The following NAALADL2 variants were observed in gnomAD, a reference collection of about 807,000 sequenced individuals.
The protein encoded by NAALADL2 is inactive N-acetylated-alpha-linked acidic dipeptidase-like protein 2.
Under a neutral mutation model 87.2 loss-of-function variants are expected in NAALADL2, and 76 were observed. That is an observed-to-expected ratio of 0.87 (90% confidence interval 0.72 to 1.05). The LOEUF is 1.05. Ranked by LOEUF, NAALADL2 falls within the 50% of genes least tolerant of loss-of-function variation. The pLI, the probability that NAALADL2 is intolerant of heterozygous loss-of-function variation, is 0.00. For missense variants in NAALADL2, 1,089 were observed against 945.8 expected (o/e 1.15, Z -1.99); for synonymous variants, 354 against 331.0 (o/e 1.07, Z -0.75).
At chr3:175,412,218 C>G (rs34508207) in intron 5 of NAALADL2, among the ~76,000 whole-genome samples, 3 of 152,128 alleles carry the variant, frequency 2.0e-5, no homozygotes, top group African/African-American at 7.2e-5. Flanking sequence ...TCTTTTCCCC[C>G]CTTTTTATGC....
At chr3:174,960,976 G>A (rs970070929) in intron 1 of NAALADL2, among the ~76,000 whole-genome samples, 4 of 150,862 alleles carry the variant, frequency 2.7e-5, no homozygotes, top group African/African-American at 9.7e-5. Flanking sequence ...GGTTGAAACT[G>A]CATTCAGCTA....
At chr3:175,255,698 C>T (rs530738121) in intron 3 of NAALADL2, among the ~76,000 whole-genome samples, 50 of 152,220 alleles carry the variant, frequency 3.3e-4, no homozygotes, top group African/African-American at 1.1e-3. Context: ...TTATTGAAAT[C>T]TCCAGAAAGG....
chr3:175,316,572 C>T (rs1280297750), intron 4 of NAALADL2, among the ~76,000 whole-genome samples: 1 of 152,172 alleles, frequency 6.6e-6, no homozygotes, highest in African/African-American at 2.4e-5. Context: ...CGTTCTATAT[C>T]TTAAGCTATC....
chr3:175,746,319 T>TG (rs1426697969), intron 12 of NAALADL2, among the ~76,000 whole-genome samples: 1 of 151,532 alleles, frequency 6.6e-6, no homozygotes, highest in Admixed American at 6.6e-5. Context: ...TGGTTTGTTT[T>TG]TTTTTTTTTT....
chr3:174,444,721 A>G (rs1714914447), intron 1 of NAALADL2, among the ~76,000 whole-genome samples: 1 of 152,198 alleles, frequency 6.6e-6, no homozygotes, highest in Admixed American at 6.5e-5. Flanking sequence ...TTAAGTACCA[A>G]GTGTGATCAA....
rs956501147 is a variant in NAALADL2 at position 175,451,914 on chromosome 3, C to T, written c.1234+4542C>T. 5.3e-5 allele frequency among the ~76,000 whole-genome samples: 8 copies of T among 152,166 alleles called. No individual in the cohort carries two copies. The East Asian group carries it at 1.5e-3, about 29-fold the overall frequency. On this transcript the variant is annotated intron_variant, in intron 6 of 13. Transcript: ENST00000454872. ...TTATAATTTTTACGTATTTCTAATG[C>T]ATTTTGAAAATCTATCTTCCTAATC...
chr3:174,886,083 T>G (rs1730111810), intron 1 of NAALADL2, among the ~76,000 whole-genome samples: 1 of 151,508 alleles, frequency 6.6e-6, no homozygotes, highest in Admixed American at 6.6e-5. Context: ...CCAGCTAATT[T>G]TTTGTATTTT....
chr3:174,509,277 T>G (rs1404260860), intron 1 of NAALADL2, among the ~76,000 whole-genome samples: 1 of 152,156 alleles, frequency 6.6e-6, no homozygotes, highest in Non-Finnish European at 1.5e-5. Flanking sequence ...TCAGAGATGC[T>G]TTATTAGTCT....
At chr3:174,889,141 A>C (rs1177587183) in intron 1 of NAALADL2, among the ~76,000 whole-genome samples, 1 of 152,160 alleles carries the variant, frequency 6.6e-6, no homozygotes, top group African/African-American at 2.4e-5. Context: ...CCCTTTGCCT[A>C]AGCCCCTCAG....
At chr3:175,275,723 G>A (rs1252700922) in intron 4 of NAALADL2, among the ~76,000 whole-genome samples, 1 of 151,902 alleles carries the variant, frequency 6.6e-6, no homozygotes, top group Non-Finnish European at 1.5e-5. Context: ...AATATAAAAT[G>A]TTGACATTTT....
intron 11 of NAALADL2, chr3:175,718,237 A>G (rs1741668264): frequency 1.5e-6 from 1 of 664,696 alleles, no homozygotes; most frequent in Non-Finnish European, 2.4e-6. Context: ...TAGTTGCTGT[A>G]ACACTGTCCT....
chr3:174,486,296 A>G (rs776326549), intron 1 of NAALADL2, among the ~76,000 whole-genome samples: 12 of 152,094 alleles, frequency 7.9e-5, no homozygotes, highest in Non-Finnish European at 1.8e-4. Flanking sequence ...AGCGTATTTC[A>G]AAATCATTCC....
Position 174,967,166 on chromosome 3 carries a change from T to A in NAALADL2, c.43+107716T>A, listed in dbSNP as rs1287986373. The stretch of plus-strand genomic sequence containing the variant: ...CTGAGTAGCAGGTAATAGTGGTCCC[T>A]TTTTTAAAGCTCTCTGATGATTCTG... On this transcript the variant is annotated intron_variant, in intron 1 of 13. Transcript: ENST00000454872. Among the ~76,000 whole-genome samples the A allele has an allele frequency of 2.6e-5, 4 of 152,130 alleles. No homozygotes were observed. The East Asian group carries it at 7.7e-4, about 29-fold the overall frequency.
chr3:175,740,983 T>C (rs184893521), intron 12 of NAALADL2, among the ~76,000 whole-genome samples: 1 of 152,280 alleles, frequency 6.6e-6, no homozygotes, highest in Admixed American at 6.5e-5. Flanking sequence ...TTTATTTTGA[T>C]GACAGTGATC....
At chr3:174,623,346 AT>A (rs1210756135) in intron 2 of NAALADL2, among the ~76,000 whole-genome samples, 4 of 152,072 alleles carry the variant, frequency 2.6e-5, no homozygotes, top group African/African-American at 9.7e-5. Flanking sequence ...GCACCTTTAC[AT>A]TTGTTTACAT....
chr3:174,489,612 A>G (rs942843287), intron 1 of NAALADL2, among the ~76,000 whole-genome samples: 5 of 152,236 alleles, frequency 3.3e-5, no homozygotes, highest in African/African-American at 1.2e-4. Flanking sequence ...TGTATCTAAA[A>G]TATATTAAGG....
intron 11 of NAALADL2, among the ~76,000 whole-genome samples, chr3:175,668,515 A>G (rs1176712363): frequency 1.3e-5 from 2 of 152,136 alleles, no homozygotes; most frequent in African/African-American, 4.8e-5. Flanking sequence ...GTAGGTGACC[A>G]CAGAATGAGT....
intron 9 of NAALADL2, among the ~76,000 whole-genome samples, chr3:175,534,492 T>C (rs1245202973): frequency 2.6e-5 from 4 of 152,150 alleles, no homozygotes; most frequent in Non-Finnish European, 1.5e-5. Flanking sequence ...GCTTTAAAAG[T>C]AGGTTTTGTC....
At chr3:174,740,181 A>G (rs1249751861) in intron 3 of NAALADL2, among the ~76,000 whole-genome samples, 2 of 151,906 alleles carry the variant, frequency 1.3e-5, no homozygotes, top group African/African-American at 4.8e-5. Context: ...TTTTAAAAAA[A>G]TTGTCTTTTG....
Sources: allele counts gnomAD v4.1 joint callset (sites outside exome capture counted in the v4.1 genomes callset), GRCh38; gene constraint gnomAD v4.1.1; transcripts MANE v1.5; gene names NCBI Gene and HGNC (gene_info 2026-07-23, HGNC 2026-07-21).